Variants in DENND1A observed in about 807,000 individuals in gnomAD.
DENND1A encodes DENN domain containing 1A, also known as DENN domain-containing protein 1A.
Under a neutral mutation model 113.7 loss-of-function variants are expected in DENND1A, and 51 were observed. The ratio of observed to expected loss-of-function variants is 0.45; its 90% CI spans 0.36 to 0.57. DENND1A has a LOEUF of 0.57. Among genes scored for constraint, DENND1A ranks in the 20% least tolerant of loss-of-function variants. DENND1A has a pLI of 0.00. For synonymous variants in DENND1A, 565 were observed against 570.8 expected (o/e 0.99, Z 0.14); for missense variants, 1,258 against 1,395.9 (o/e 0.90, Z 1.57).
rs150332477 is a variant in DENND1A, at chr9:123,619,390, T to A, written c.720-9909A>T. ...ATAGTTGGAATAGACTACAAACCAC[T>A]GATCTGTATACATACATTGATTGAC... On this transcript the variant is annotated intron_variant, in intron 10 of 23. Coordinates refer to ENST00000394215, the MANE Select transcript of DENND1A (RefSeq NM_001352964.2). Among the ~76,000 whole-genome samples the A allele has an allele frequency of 8.9e-3, 1,348 of 152,282 alleles. 19 individuals are homozygous for A. The highest frequency in any genetic ancestry group is 0.04 in the Admixed American group (614 of 15,306).
intron 5 of DENND1A, among the ~76,000 whole-genome samples, chr9:123,695,125 C>T (rs990286856): frequency 3.9e-5 from 6 of 152,026 alleles, no homozygotes; most frequent in African/African-American, 1.2e-4. Flanking sequence ...TTTTGGGACT[C>T]GGACTGGCTC....
intron 11 of DENND1A, among the ~76,000 whole-genome samples, chr9:123,595,391 G>A (rs967027431): frequency 4.6e-5 from 7 of 152,126 alleles, no homozygotes; most frequent in South Asian, 2.1e-4. Flanking sequence ...GTATGGAGCC[G>A]TCATTCATGT....
rs573844794 is a variant in DENND1A, at chr9:123,387,957, G to A, written c.1632-99C>T. 2.6e-5 allele frequency: 31 copies of A among 1,194,158 alleles called. No homozygotes were observed. In the African/African-American group the frequency reaches 4.1e-4, roughly 16 times the overall value. The allele number at this position is 1,194,158 out of a possible 1,614,324, so 74.0% of individuals were successfully genotyped here. A position where few individuals can be genotyped will look rare whatever the true frequency, so the allele number is the denominator to read the frequency against. ...AAGCAGGCCTCTGGGCTCCACGCCT[G>A]GCCCTGCCTCTGTGTGCCAGCCTGG... On this transcript the variant is annotated intron_variant, in intron 21 of 23. Transcript: ENST00000394215.
At chr9:123,386,381 C>T (rs377394006) in intron 22 of DENND1A, among the ~76,000 whole-genome samples, 4 of 135,172 alleles carry the variant, frequency 3.0e-5, no homozygotes, top group African/African-American at 5.4e-5. Flanking sequence ...TCTTTTCTTT[C>T]TTTTTTTTTT....
chr9:123,852,618 T>C (rs1045458021), intron 2 of DENND1A, among the ~76,000 whole-genome samples: 10 of 152,172 alleles, frequency 6.6e-5, no homozygotes, highest in Admixed American at 2.6e-4. Flanking sequence ...GCCACACTAA[T>C]GAATATAACA....
intron 13 of DENND1A, among the ~76,000 whole-genome samples, chr9:123,546,319 T>G (rs768357475): frequency 1.3e-5 from 2 of 151,668 alleles, no homozygotes; most frequent in Non-Finnish European, 2.9e-5. Flanking sequence ...GAGGCCAAGG[T>G]GGGCAGATCA....
intron 6 of DENND1A, among the ~76,000 whole-genome samples, chr9:123,675,307 T>A (rs2064008220): frequency 6.6e-6 from 1 of 152,190 alleles, no homozygotes; most frequent in Non-Finnish European, 1.5e-5. Context: ...ATGCTAAGAT[T>A]TATCACAGAA....
In DENND1A at chr9:123,868,621, A is replaced by G. The variant is rs541658981; in HGVS notation, c.88+10330T>C. ...AAGGATTTCAAAGTTTAGTAAATCA[A>G]TGAATTCCCGGTCCACCATAGAAGG... On this transcript the variant is annotated intron_variant, in intron 2 of 23. Coordinates refer to ENST00000394215, the MANE Select transcript of DENND1A (RefSeq NM_001352964.2). Among the ~76,000 whole-genome samples the G allele has an allele frequency of 1.1e-4, 16 of 152,372 alleles. No homozygotes were observed. The East Asian group carries it at 2.1e-3, about 20-fold the overall frequency.
At chr9:123,708,027 C>T (rs968082689) in intron 5 of DENND1A, among the ~76,000 whole-genome samples, 1 of 152,038 alleles carries the variant, frequency 6.6e-6, no homozygotes, top group Non-Finnish European at 1.5e-5. Context: ...CCCATGATAA[C>T]AGGGGAGAAG....
At chr9:123,842,658 T>A (rs1841999590) in intron 2 of DENND1A, among the ~76,000 whole-genome samples, 1 of 152,132 alleles carries the variant, frequency 6.6e-6, no homozygotes, top group Admixed American at 6.5e-5. Context: ...ACAGATGAAC[T>A]CAGATGACTT....
intron 19 of DENND1A, among the ~76,000 whole-genome samples, chr9:123,412,189 G>A (rs1387623021): frequency 2.6e-5 from 4 of 152,188 alleles, no homozygotes; most frequent in African/African-American, 9.7e-5. Context: ...AAGGCTAGAG[G>A]CTGGCACTGC....
chr9:123,919,049 TG>T (rs1324749205), intron 1 of DENND1A, among the ~76,000 whole-genome samples: 1 of 152,008 alleles, frequency 6.6e-6, no homozygotes, highest in Non-Finnish European at 1.5e-5. Context: ...ATAAACTGCA[TG>T]GGGGAAAAAG....
intron 1 of DENND1A, among the ~76,000 whole-genome samples, chr9:123,911,694 T>A (rs1414619463): frequency 7.2e-6 from 1 of 139,430 alleles, no homozygotes; most frequent in Non-Finnish European, 1.5e-5. Flanking sequence ...AGTGATTTTT[T>A]TTTTCTTTTT....
intron 1 of DENND1A, among the ~76,000 whole-genome samples, chr9:123,921,331 C>A (rs568196662): frequency 1.2e-4 from 19 of 152,082 alleles, no homozygotes; most frequent in Admixed American, 9.8e-4. Context: ...ATTTTTTTAA[C>A]CTGAAGCTCA....
At chr9:123,583,369 G>T in intron 11 of DENND1A, 99 bp from the exon 12 acceptor site, 1 of 835,382 alleles carries the variant, frequency 1.2e-6, no homozygotes, top group Admixed American at 2.3e-5. Context: ...GAAGGAAAGT[G>T]ACATTTGACA....
intron 19 of DENND1A, among the ~76,000 whole-genome samples, chr9:123,434,635 G>T (rs893393155): frequency 1.3e-5 from 2 of 152,186 alleles, no homozygotes; most frequent in Non-Finnish European, 2.9e-5. Context: ...GACAAGCGGC[G>T]TGTGCATAGT....
intron 2 of DENND1A, among the ~76,000 whole-genome samples, chr9:123,848,257 A>C (rs967766982): frequency 9.5e-5 from 13 of 137,304 alleles, no homozygotes; most frequent in South Asian, 9.4e-4. Context: ...AAAAAAAAAA[A>C]CAAATTGAAA....
At chr9:123,533,140 T>C (rs968143628) in intron 13 of DENND1A, among the ~76,000 whole-genome samples, 1 of 152,244 alleles carries the variant, frequency 6.6e-6, no homozygotes, top group Non-Finnish European at 1.5e-5. Context: ...AAACTCACAT[T>C]TTCTACAGAA....
At chr9:123,757,189 C>T (rs2070642473) in intron 5 of DENND1A, among the ~76,000 whole-genome samples, 1 of 152,158 alleles carries the variant, frequency 6.6e-6, no homozygotes, top group African/African-American at 2.4e-5. Context: ...CTGAAGAAGC[C>T]TTCTTACACG....
Sources: allele counts gnomAD v4.1 joint callset (sites outside exome capture counted in the v4.1 genomes callset), GRCh38; gene constraint gnomAD v4.1.1; transcripts MANE v1.5; gene names NCBI Gene and HGNC (gene_info 2026-07-23, HGNC 2026-07-21).